MAPKBP1: variants seen among roughly 807,000 people sequenced by gnomAD.
The protein encoded by MAPKBP1 is mitogen-activated protein kinase-binding protein 1.
In MAPKBP1, 71 loss-of-function variants were observed where a neutral mutation model predicts 170.5. The observed-to-expected ratio is 0.42, with a 90% confidence interval of 0.34 to 0.51. The LOEUF (loss-of-function observed/expected upper bound fraction) is 0.51. MAPKBP1 is among the 20% of genes least tolerant of loss of function. The probability of loss-of-function intolerance (pLI) is 0.06; values close to 1 mark genes in which losing one functional copy is unlikely to be tolerated. For missense variants in MAPKBP1, 1,598 were observed against 1,933.0 expected (o/e 0.83, Z 3.25); for synonymous variants, 719 against 757.9 (o/e 0.95, Z 0.84).
intron 22 of MAPKBP1, 36 bp from the exon 23 acceptor site, chr15:41,820,796 G>C: frequency 6.7e-7 from 1 of 1,493,888 alleles, no homozygotes; most frequent in Non-Finnish European, 9.3e-7. Flanking sequence ...CTGTGTGGTT[G>C]TTGTTACTCC....
intron 3 of MAPKBP1, among the ~76,000 whole-genome samples, chr15:41,809,342 G>A (rs1188602168): frequency 6.6e-6 from 1 of 152,226 alleles, no homozygotes; most frequent in Non-Finnish European, 1.5e-5. Context: ...TTCCACAGCT[G>A]TTGGTCAGCC....
rs1348299017 is a variant in MAPKBP1, at chr15:41,822,429, TCAGAGGG to T, written c.3229+9_3229+15del. On this transcript the variant is annotated splice_region_variant and intron_variant, in intron 26 of 30. Transcript: ENST00000457542. ...GCCAGTGGAGCTGCTCCAGGTGTGG[TCAGAGGG>T]CCAGCATTTAGTGCCTGCAATTTGC... The T allele has an allele frequency of 6.2e-7, 1 of 1,613,106 alleles. No individual in the cohort carries two copies. Among genetic ancestry groups the T allele is most frequent in the Non-Finnish European group, 8.5e-7 (1 of 1,179,466 alleles).
Position 41,813,712 on chromosome 15 carries a change from TG to T in MAPKBP1, c.912del (p.His305ThrfsTer40). 1 of 1,613,642 alleles carries T rather than the reference TG, an allele frequency of 6.2e-7. No homozygotes were observed. Among genetic ancestry groups the T allele is most frequent in the Non-Finnish European group, 8.5e-7 (1 of 1,179,848 alleles). On this transcript the variant is annotated frameshift_variant, in exon 9 of 31. Transcript: ENST00000457542. LOFTEE classifies it high-confidence loss of function. ...GTGCGCCTTTTCAACCCCTCTAACC[TG>T]CACTTCCTTAGCACCTTGCCCCGAC... Reference protein sequence around the residue: ...GTVRLFNPSNLHFLSTLPRPH... With the variant: ...GTVRLFNPSNXHFLSTLPRPH...
At chr15:41,819,683 G>A in intron 22 of MAPKBP1, 33 bp downstream of exon 22, 1 of 1,590,382 alleles carries the variant, frequency 6.3e-7, no homozygotes, top group Non-Finnish European at 8.6e-7. Context: ...TTCTTCCAAG[G>A]TTAGAGGAGG....
intron 7 of MAPKBP1, 38 bp downstream of exon 7, chr15:41,812,691 T>C: frequency 1.3e-6 from 2 of 1,557,126 alleles, no homozygotes; most frequent in Non-Finnish European, 1.7e-6. Flanking sequence ...CCAAGGCCCC[T>C]GGCAGGGCCT....
At chr15:41,775,935 C>G (rs1039563151) in intron 2 of MAPKBP1, among the ~76,000 whole-genome samples, 1 of 152,200 alleles carries the variant, frequency 6.6e-6, no homozygotes, top group Non-Finnish European at 1.5e-5. Flanking sequence ...GAATAACATG[C>G]AAGAAGCCAG....
Position 41,823,748 on chromosome 15 carries a change from C to G in MAPKBP1, c.3900C>G (p.Asp1300Glu). ...TGGACATCCCCAAACCACTGCCTGA[C>G]CGTCCTACCCTGGCTGCATTCTCTC... ...LVLDIPKPLP[D>E]RPTLAAFSPV... The change falls in exon 29 of 31, where the codon GAC becomes GAG. Residue 1300 changes from aspartate (D) to glutamate (E), a missense_variant. By Grantham distance (45) the Asp-to-Glu change is conservative. Transcript: ENST00000457542. 6.2e-7 allele frequency: 1 copy of G among 1,614,202 alleles called. No individual in the cohort carries two copies. Among genetic ancestry groups the G allele is most frequent in the Non-Finnish European group, 8.5e-7 (1 of 1,180,036 alleles).
intron 3 of MAPKBP1, among the ~76,000 whole-genome samples, chr15:41,804,243 A>T (rs1308620558): frequency 6.6e-6 from 1 of 152,172 alleles, no homozygotes; most frequent in East Asian, 1.9e-4. Context: ...TGCAAGGGAG[A>T]CTTCTGCCCC....
intron 2 of MAPKBP1, among the ~76,000 whole-genome samples, chr15:41,782,951 A>G (rs2064216569): frequency 6.6e-6 from 1 of 152,182 alleles, no homozygotes; most frequent in Middle Eastern, 3.2e-3. Flanking sequence ...CTCCAGCTCC[A>G]GATTTCCTGA....
At chr15:41,807,072 G>T (rs561283850) in intron 3 of MAPKBP1, among the ~76,000 whole-genome samples, 26 of 152,328 alleles carry the variant, frequency 1.7e-4, no homozygotes, top group South Asian at 1.2e-3. Context: ...CTTAAGGGAT[G>T]ACCTCTGTGT....
At chr15:41,821,488 G>T (rs1207066814) in intron 23 of MAPKBP1, 96 bp from the exon 24 acceptor site, 7 of 1,145,248 alleles carry the variant, frequency 6.1e-6, no homozygotes, top group Non-Finnish European at 6.4e-6. Context: ...TCTCCAAGGG[G>T]AGGGTTGGCC....
chr15:41,811,758 C>T (rs939272299), intron 5 of MAPKBP1, 199 bp from the exon 6 acceptor site: 5 of 706,948 alleles, frequency 7.1e-6, no homozygotes, highest in African/African-American at 3.5e-5. Flanking sequence ...GACTAAAATC[C>T]GGGGCCACTT....
chr15:41,797,430 G>A lies in MAPKBP1; in HGVS notation c.115-2393G>A, dbSNP rs139323764. 7.3e-4 allele frequency among the ~76,000 whole-genome samples: 111 copies of A among 152,282 alleles called. 1 individual carries two copies. The East Asian group carries it at 0.019, about 26-fold the overall frequency. Reference sequence around the variant, plus strand: ...GTTCTCTTTCCTGTCTGCAGAAGGCGGTGGGTGTGGCAGGAATGTCCCTAA... The same window carrying A: ...GTTCTCTTTCCTGTCTGCAGAAGGCAGTGGGTGTGGCAGGAATGTCCCTAA... On this transcript the variant is annotated intron_variant, in intron 2 of 30. Coordinates refer to ENST00000457542, the MANE Select transcript of MAPKBP1 (RefSeq NM_014994.3).
chr15:41,812,947 G>A lies in MAPKBP1; in HGVS notation c.665G>A (p.Arg222His), dbSNP rs747615486. ...KVNATVPLLG[R>H]SGLLGELRNN... ...AATGCCACTGTGCCCTTGCTGGGCC[G>A]CTCAGGGCTGCTGGGAGAGCTACGG... is the stretch of plus-strand genomic sequence containing the variant. The change falls in exon 8 of 31, where the codon CGC (arginine) becomes CAC (histidine). Residue 222 changes from arginine (R) to histidine (H), a missense_variant. This residue lies in a region of MAPKBP1 where 430 missense variants were observed against 617.2 expected (regional missense o/e 0.70). Coordinates refer to ENST00000457542, the MANE Select transcript of MAPKBP1 (RefSeq NM_014994.3). 9.9e-6 allele frequency: 16 copies of A among 1,609,126 alleles called. No homozygotes were observed. The highest frequency in any genetic ancestry group is 1.3e-5 in the Non-Finnish European group (15 of 1,177,470).
Position 41,818,876 on chromosome 15 carries a change from G to A in MAPKBP1, c.2210G>A (p.Arg737His), listed in dbSNP as rs534654016. Residue 737 changes from arginine to histidine, a missense_variant, in exon 20 of 31, where the codon CGT becomes CAT. Coordinates refer to ENST00000457542, the MANE Select transcript of MAPKBP1 (RefSeq NM_014994.3). This position sits in a 1 kb window ranked among gnomAD's most constrained non-coding sequence, Gnocchi z 5.2. ...SSEMTISMRQRLAELRQRQRG... is the reference protein window; with the variant it reads ...SSEMTISMRQHLAELRQRQRG... Reference sequence around the variant, plus strand: ...GAGATGACCATCAGCATGAGGCAGCGTCTGGCCGAGTTGCGCCAGCGTCAG... The same window carrying A: ...GAGATGACCATCAGCATGAGGCAGCATCTGGCCGAGTTGCGCCAGCGTCAG... 3.3e-5 allele frequency: 53 copies of A among 1,614,116 alleles called. No individual in the cohort carries two copies. Among genetic ancestry groups the A allele is most frequent in the Middle Eastern group, 1.6e-4 (1 of 6,084 alleles).
At chr15:41,801,187 A>G (rs1030851809) in intron 3 of MAPKBP1, among the ~76,000 whole-genome samples, 2 of 152,214 alleles carry the variant, frequency 1.3e-5, no homozygotes, top group African/African-American at 4.8e-5. Context: ...CTTAGCTATT[A>G]TGAATATTCG....
chr15:41,815,490 C>G, intron 11 of MAPKBP1, 85 bp downstream of exon 11: 1 of 1,573,856 alleles, frequency 6.4e-7, no homozygotes, highest in Non-Finnish European at 8.6e-7. Context: ...GGAACTGGTC[C>G]CTAGGCCTTG....
intron 3 of MAPKBP1, among the ~76,000 whole-genome samples, chr15:41,803,413 C>CAAAAAAAAA (rs1166671811): frequency 3.6e-4 from 4 of 11,258 alleles, no homozygotes; most frequent in Admixed American, 1.1e-3. Context: ...GACTCCATCT[C>CAAAAAAAAA]AAAAAAAAAA....
At chr15:41,795,941 C>T (rs1347343091) in intron 2 of MAPKBP1, among the ~76,000 whole-genome samples, 1 of 152,182 alleles carries the variant, frequency 6.6e-6, no homozygotes, top group Non-Finnish European at 1.5e-5. Context: ...TCCCTGTGAC[C>T]TACCATGTGG....
Sources: allele counts gnomAD v4.1 joint callset (sites outside exome capture counted in the v4.1 genomes callset), GRCh38; gene constraint gnomAD v4.1.1; regional missense constraint gnomAD v4.1.1; non-coding constraint Gnocchi (gnomAD v3.1); transcripts MANE v1.5; gene names NCBI Gene and HGNC (gene_info 2026-07-23, HGNC 2026-07-21).